Variants in ATP11A observed in about 807,000 individuals in gnomAD.
The protein encoded by ATP11A is phospholipid-transporting ATPase IH.
ATP11A carries 81 observed loss-of-function variants against 154.4 expected under a neutral mutation model. That is an observed-to-expected ratio of 0.52 (90% confidence interval 0.44 to 0.63). ATP11A has a LOEUF of 0.63. ATP11A is among the 30% of genes least tolerant of loss of function. ATP11A has a pLI of 0.00. For missense variants in ATP11A, 1,316 were observed against 1,474.3 expected, an observed-to-expected ratio of 0.89 and a Z score of 1.76; for synonymous variants, 623 against 585.9, an observed-to-expected ratio of 1.06 and a Z score of -0.91.
intron 1 of ATP11A, among the ~76,000 whole-genome samples, chr13:112,773,587 T>C (rs2077276489): frequency 6.6e-6 from 1 of 152,236 alleles, no homozygotes; most frequent in African/African-American, 2.4e-5. Flanking sequence ...TGTGCAGCCC[T>C]GTGGCGGATG....
intron 27 of ATP11A, among the ~76,000 whole-genome samples, chr13:112,873,930 C>T (rs986882388): frequency 4.6e-5 from 7 of 152,060 alleles, no homozygotes; most frequent in African/African-American, 7.2e-5. Flanking sequence ...ACGAGTTATA[C>T]GGAGGAACAG....
chr13:112,812,503 G>A (rs1232097381), intron 5 of ATP11A, among the ~76,000 whole-genome samples: 3 of 152,178 alleles, frequency 2.0e-5, no homozygotes, highest in African/African-American at 7.2e-5. Context: ...CCTGGAGGGA[G>A]GGCCTCCAAG....
At chr13:112,820,952 A>G (rs1361941786) in intron 8 of ATP11A, among the ~76,000 whole-genome samples, 1 of 152,234 alleles carries the variant, frequency 6.6e-6, no homozygotes, top group African/African-American at 2.4e-5. Flanking sequence ...TACTGTTTTA[A>G]GAAAACCATT....
intron 1 of ATP11A, among the ~76,000 whole-genome samples, chr13:112,707,307 C>T (rs1305511042): frequency 7.3e-5 from 11 of 151,302 alleles, no homozygotes; most frequent in Non-Finnish European, 1.0e-4. Flanking sequence ...CCCACCTACT[C>T]AGGAGGCTGA....
chr13:112,735,854 A>C (rs1890945426), intron 1 of ATP11A, among the ~76,000 whole-genome samples: 1 of 152,228 alleles, frequency 6.6e-6, no homozygotes, highest in East Asian at 1.9e-4. Context: ...CTCAGCACTA[A>C]GGAGCACCTG....
At chr13:112,863,519 A>C (rs35703447) in intron 25 of ATP11A, among the ~76,000 whole-genome samples, 61,992 of 132,160 alleles carry the variant, frequency 0.47, 11,967 homozygotes, top group Middle Eastern at 0.57. Context: ...CCACGTGCGC[A>C]ATAATTCAGC....
At chr13:112,758,225 C>G (rs1199124572) in intron 1 of ATP11A, among the ~76,000 whole-genome samples, 1 of 151,890 alleles carries the variant, frequency 6.6e-6, no homozygotes, top group African/African-American at 2.4e-5. Context: ...CCATGCCTGG[C>G]TAGTTTTTGT....
rs532431892 is a variant in ATP11A, at chr13:112,738,545, A to G, written c.40-46590A>G. Among the ~76,000 whole-genome samples, 227 of 152,350 alleles carry G rather than the reference A, an allele frequency of 1.5e-3. 2 individuals carry two copies. Among genetic ancestry groups the G allele is most frequent in the African/African-American group, 5.2e-3 (216 of 41,576 alleles). On this transcript the variant is annotated intron_variant, in intron 1 of 29. Coordinates refer to ENST00000375645, the MANE Select transcript of ATP11A (RefSeq NM_015205.3). Reference sequence around the variant, plus strand: ...TTTGCTTGTTTCTTCTCACCAGAGCAGTGCCGCAGATAAGCCGACTGGCTT... The same window carrying G: ...TTTGCTTGTTTCTTCTCACCAGAGCGGTGCCGCAGATAAGCCGACTGGCTT...
At chr13:112,727,055 T>G (rs1317218469) in intron 1 of ATP11A, among the ~76,000 whole-genome samples, 1 of 152,184 alleles carries the variant, frequency 6.6e-6, no homozygotes, top group Non-Finnish European at 1.5e-5. Flanking sequence ...TGCTGCTTCT[T>G]TTTTTTTCTT....
rs146012267 is a variant in ATP11A, at chr13:112,753,431, T to C, written c.40-31704T>C. On this transcript the variant is annotated intron_variant, in intron 1 of 29. Transcript: ENST00000375645. This position sits in a 1 kb window ranked among gnomAD's most constrained non-coding sequence, Gnocchi z 4.1. ...CAGTGCCGTAGGAGGATGCCTGTTCTCCACCTACCTCGCCAGCAGCCTGCG... is the reference window on the plus strand; with the variant it reads ...CAGTGCCGTAGGAGGATGCCTGTTCCCCACCTACCTCGCCAGCAGCCTGCG... Among the ~76,000 whole-genome samples, 1 of 152,354 alleles carries C rather than the reference T, an allele frequency of 6.6e-6. No homozygotes were observed. Among genetic ancestry groups the C allele is most frequent in the Non-Finnish European group, 1.5e-5 (1 of 68,028 alleles).
intron 1 of ATP11A, among the ~76,000 whole-genome samples, chr13:112,783,306 A>G (rs780484833): frequency 2.5e-4 from 38 of 152,142 alleles, no homozygotes; most frequent in South Asian, 6.2e-4. Context: ...GCTTTAAAAA[A>G]CGAGAGTTCC....
intron 26 of ATP11A, among the ~76,000 whole-genome samples, chr13:112,873,189 G>A (rs9603795): frequency 4.1e-5 from 6 of 147,768 alleles, no homozygotes; most frequent in South Asian, 4.4e-4. Context: ...CTTCCTGAGC[G>A]GTGTGAGGTG....
chr13:112,772,362 A>G (rs2077246219), intron 1 of ATP11A, among the ~76,000 whole-genome samples: 1 of 152,222 alleles, frequency 6.6e-6, no homozygotes, highest in South Asian at 2.1e-4. Flanking sequence ...TGTGGCTGGA[A>G]GCAGGGCAGT....
intron 8 of ATP11A, among the ~76,000 whole-genome samples, chr13:112,820,902 A>T (rs556329892): frequency 6.6e-6 from 1 of 152,124 alleles, no homozygotes; most frequent in African/African-American, 2.4e-5. Context: ...CAAAGTGAAT[A>T]GTTCCTGAAA....
At chr13:112,864,235 G>A (rs1281513287) in intron 25 of ATP11A, among the ~76,000 whole-genome samples, 300 of 38,962 alleles carry the variant, frequency 7.7e-3, no homozygotes, top group African/African-American at 8.8e-3. Context: ...AATTCAGTGC[G>A]GCCCATGCAG....
intron 2 of ATP11A, among the ~76,000 whole-genome samples, chr13:112,802,655 A>C (rs1393123333): frequency 6.6e-6 from 1 of 152,050 alleles, no homozygotes; most frequent in Non-Finnish European, 1.5e-5. Flanking sequence ...TAAATGTAAA[A>C]TGTATAATAA....
At chr13:112,789,919 G>A (rs1315700286) in intron 2 of ATP11A, among the ~76,000 whole-genome samples, 1 of 151,706 alleles carries the variant, frequency 6.6e-6, no homozygotes, top group African/African-American at 2.4e-5. Flanking sequence ...ATTCACACCT[G>A]GCATCCTGAC....
intron 11 of ATP11A, 47 bp downstream of exon 11, chr13:112,825,627 C>T: frequency 6.5e-7 from 1 of 1,531,278 alleles, no homozygotes; most frequent in Non-Finnish European, 8.8e-7. Context: ...ACCTGTGGGC[C>T]ATTATTACGA....
At chr13:112,822,743 C>CA (rs764140319) in intron 8 of ATP11A, among the ~76,000 whole-genome samples, 4,656 of 70,856 alleles carry the variant, frequency 0.066, 222 homozygotes, top group African/African-American at 0.18. Context: ...GACCCTGTTG[C>CA]AAAAAAAAAA....
Sources: gnomAD v4.1 joint callset for allele counts (sites outside exome capture counted in the v4.1 genomes callset) on GRCh38, gnomAD v4.1.1 for gene constraint, Gnocchi (gnomAD v3.1) non-coding constraint, MANE v1.5 for transcripts, NCBI Gene and HGNC (gene_info 2026-07-23, HGNC 2026-07-21) for gene names.